The following EYA4 variants were observed in gnomAD, a reference collection of about 807,000 sequenced individuals.
EYA4 encodes the protein protein phosphatase EYA4.
A neutral mutation model predicts 87.9 loss-of-function variants in EYA4; 31 were observed. The ratio of observed to expected loss-of-function variants is 0.35; its 90% CI spans 0.27 to 0.48. The LOEUF (loss-of-function observed/expected upper bound fraction) is 0.48, where lower values mean the gene tolerates loss of function less well. Ranked by LOEUF, EYA4 falls within the 20% of genes least tolerant of loss-of-function variation. The probability of loss-of-function intolerance (pLI) is 0.99; values close to 1 mark genes in which losing one functional copy is unlikely to be tolerated. For synonymous variants in EYA4, 263 were observed against 270.6 expected (o/e 0.97, Z 0.28); for missense variants, 678 against 761.4 (o/e 0.89, Z 1.29).
At chr6:133,371,464 G>A (rs1051215009) in intron 2 of EYA4, among the ~76,000 whole-genome samples, 2 of 152,080 alleles carry the variant, frequency 1.3e-5, no homozygotes, top group African/African-American at 2.4e-5. Flanking sequence ...TTTTCTAACC[G>A]AAAGTTCACT....
chr6:133,301,427 T>A (rs1037800612), intron 2 of EYA4, among the ~76,000 whole-genome samples: 1 of 152,216 alleles, frequency 6.6e-6, no homozygotes, highest in Non-Finnish European at 1.5e-5. Flanking sequence ...CTTTTATGAT[T>A]ATCAAGATTT....
At chr6:133,518,393 A>G (rs1257230622) in intron 17 of EYA4, among the ~76,000 whole-genome samples, 5 of 152,180 alleles carry the variant, frequency 3.3e-5, no homozygotes, top group East Asian at 1.9e-4. Context: ...TTGCTGAGTT[A>G]TCCACATATA....
At chr6:133,403,144 G>T (rs1049937465) in intron 3 of EYA4, among the ~76,000 whole-genome samples, 1 of 151,768 alleles carries the variant, frequency 6.6e-6, no homozygotes. Flanking sequence ...AAGGAAACAT[G>T]AACATTGTGT....
chr6:133,442,086 T>G (rs567345656), intron 3 of EYA4, among the ~76,000 whole-genome samples: 98 of 152,234 alleles, frequency 6.4e-4, no homozygotes, highest in African/African-American at 2.3e-3. Context: ...ACTTAATATA[T>G]TCACATTAGT....
At chr6:133,431,770 A>C (rs2128586892) in intron 3 of EYA4, among the ~76,000 whole-genome samples, 2 of 152,284 alleles carry the variant, frequency 1.3e-5, no homozygotes, top group East Asian at 3.9e-4. Context: ...CTTTAAATTT[A>C]TAACATTGTG....
At chr6:133,404,689 A>G (rs1407686526) in intron 3 of EYA4, among the ~76,000 whole-genome samples, 1 of 152,246 alleles carries the variant, frequency 6.6e-6, no homozygotes, top group African/African-American at 2.4e-5. Flanking sequence ...ATTTGAGACT[A>G]GTAACTTCCT....
chr6:133,293,964 T>A (rs1012859838), intron 2 of EYA4, among the ~76,000 whole-genome samples: 1 of 94,672 alleles, frequency 1.1e-5, no homozygotes, highest in African/African-American at 5.3e-5. Context: ...AATATAGATA[T>A]TATTTTACAT....
chr6:133,407,703 A>G (rs1788842497), intron 3 of EYA4, among the ~76,000 whole-genome samples: 1 of 151,826 alleles, frequency 6.6e-6, no homozygotes, highest in Non-Finnish European at 1.5e-5. Flanking sequence ...TTCAAATTCA[A>G]CTTAGGGTTC....
chr6:133,254,774 C>A lies in EYA4; in HGVS notation c.-66+13025C>A, dbSNP rs775544253. 1.2e-4 allele frequency among the ~76,000 whole-genome samples: 18 copies of A among 152,250 alleles called. 1 individual carries two copies. In the Middle Eastern group the frequency reaches 0.014, roughly 115 times the overall value. ...AGATCAGAAGAGAGATCTAGCCTAACCCTTCCATTTTGCAGATGAGATGTT... is the reference window on the plus strand; with the variant it reads ...AGATCAGAAGAGAGATCTAGCCTAAACCTTCCATTTTGCAGATGAGATGTT... On this transcript the variant is annotated intron_variant, in intron 1 of 19. Coordinates refer to ENST00000355286, the MANE Select transcript of EYA4 (RefSeq NM_004100.5).
At chr6:133,310,573 A>G (rs1336528) in intron 2 of EYA4, among the ~76,000 whole-genome samples, 103,223 of 152,090 alleles carry the variant, frequency 0.68, 35,135 homozygotes, top group East Asian at 0.81. Flanking sequence ...AATATTTGGT[A>G]ATAGTTTTTT....
At chr6:133,270,046 A>C (rs1776557969) in intron 1 of EYA4, among the ~76,000 whole-genome samples, 1 of 152,120 alleles carries the variant, frequency 6.6e-6, no homozygotes, top group South Asian at 2.1e-4. Flanking sequence ...CTTTATATTC[A>C]CTGGCAGCGG....
intron 2 of EYA4, among the ~76,000 whole-genome samples, chr6:133,285,452 T>C (rs1777978406): frequency 6.6e-6 from 1 of 152,164 alleles, no homozygotes; most frequent in Non-Finnish European, 1.5e-5. Context: ...GTGGTAGTGA[T>C]GGGCAGAACA....
intron 2 of EYA4, among the ~76,000 whole-genome samples, chr6:133,326,152 T>G (rs1162665017): frequency 6.6e-6 from 1 of 152,242 alleles, no homozygotes; most frequent in Non-Finnish European, 1.5e-5. Flanking sequence ...CCTTTCACCC[T>G]TCTGGCCAGA....
chr6:133,373,027 T>G (rs192117078), intron 2 of EYA4, among the ~76,000 whole-genome samples: 1 of 152,074 alleles, frequency 6.6e-6, no homozygotes. Flanking sequence ...AATTGAACAA[T>G]TTTATATTGG....
chr6:133,342,658 T>G (rs990847627), intron 2 of EYA4, among the ~76,000 whole-genome samples: 1 of 148,388 alleles, frequency 6.7e-6, no homozygotes, highest in African/African-American at 2.5e-5. Context: ...CACATGAATT[T>G]ATCATTCATA....
At chr6:133,444,649 C>G (rs141647774) in intron 3 of EYA4, among the ~76,000 whole-genome samples, 2 of 152,246 alleles carry the variant, frequency 1.3e-5, no homozygotes, top group African/African-American at 4.8e-5. Flanking sequence ...CTCCATTGAC[C>G]TGTCAGTAGA....
intron 1 of EYA4, among the ~76,000 whole-genome samples, 156 bp downstream of exon 1, chr6:133,241,905 G>A (rs1773972715): frequency 6.6e-6 from 1 of 152,192 alleles, no homozygotes; most frequent in Non-Finnish European, 1.5e-5. Context: ...GTGGGCGCCT[G>A]CGTCCCCGGG....
At chr6:133,393,563 G>A (rs777557886) in intron 3 of EYA4, among the ~76,000 whole-genome samples, 28 of 152,136 alleles carry the variant, frequency 1.8e-4, no homozygotes, top group Non-Finnish European at 3.1e-4. Context: ...AAAAGCCTGC[G>A]TGGCATGTTC....
intron 17 of EYA4, among the ~76,000 whole-genome samples, chr6:133,516,502 G>A (rs1799608333): frequency 6.6e-6 from 1 of 151,760 alleles, no homozygotes; most frequent in Non-Finnish European, 1.5e-5. Context: ...CACGAGGTCA[G>A]GAGATTGAGA....
Sources: allele counts gnomAD v4.1 joint callset (sites outside exome capture counted in the v4.1 genomes callset), GRCh38; gene constraint gnomAD v4.1.1; transcripts MANE v1.5; gene names NCBI Gene and HGNC (gene_info 2026-07-23, HGNC 2026-07-21).